The following ANKFY1 variants were observed in gnomAD, a reference collection of about 807,000 sequenced individuals.
ANKFY1 encodes the protein ankyrin repeat and FYVE domain containing 1.
Under a neutral mutation model 128.3 loss-of-function variants are expected in ANKFY1, and 47 were observed. That is an observed-to-expected ratio of 0.37 (90% confidence interval 0.29 to 0.47). The LOEUF (loss-of-function observed/expected upper bound fraction) is 0.47. Among genes scored for constraint, ANKFY1 ranks in the 20% least tolerant of loss-of-function variants. ANKFY1 has a pLI of 1.00. For missense variants in ANKFY1, 1,222 were observed against 1,510.6 expected, an observed-to-expected ratio of 0.81 and a Z score of 3.17; for synonymous variants, 553 against 601.6, an observed-to-expected ratio of 0.92 and a Z score of 1.18.
At chr17:4,230,456 G>C (rs766327330) in intron 3 of ANKFY1, among the ~76,000 whole-genome samples, 16 of 152,258 alleles carry the variant, frequency 1.1e-4, no homozygotes, top group Non-Finnish European at 1.9e-4. Context: ...TACTGGTAAA[G>C]TGCTACAGAG....
chr17:4,173,267 C>G, intron 21 of ANKFY1, 87 bp downstream of exon 21: 1 of 1,341,038 alleles, frequency 7.5e-7, no homozygotes, highest in East Asian at 2.3e-5. Flanking sequence ...GCAGCTCCTC[C>G]CTGGGGCTGA....
chr17:4,185,284 CA>C (rs2059591282), intron 11 of ANKFY1, among the ~76,000 whole-genome samples: 1 of 152,156 alleles, frequency 6.6e-6, no homozygotes, highest in African/African-American at 2.4e-5. Flanking sequence ...CGGCTCACTG[CA>C]ACCTTTGCCT....
intron 19 of ANKFY1, among the ~76,000 whole-genome samples, chr17:4,175,187 G>T (rs548223020): frequency 1.9e-4 from 29 of 151,582 alleles, no homozygotes; most frequent in Non-Finnish European, 3.2e-4. Flanking sequence ...TTAAAAATTA[G>T]CTGGGTGTAA....
chr17:4,173,141 C>G (rs2059352620), intron 21 of ANKFY1, among the ~76,000 whole-genome samples: 1 of 152,256 alleles, frequency 6.6e-6, no homozygotes, highest in African/African-American at 2.4e-5. Flanking sequence ...CAGGCGCGAG[C>G]CACTGCGCCC....
At position 4,263,950 on chromosome 17, in the gene ANKFY1, C is replaced by G. The variant is rs960438473; in HGVS notation, c.-9G>C. 6.2e-7 allele frequency: 1 copy of G among 1,613,996 alleles called. No individual in the cohort carries two copies. Among genetic ancestry groups the G allele is most frequent in the Admixed American group, 1.7e-5 (1 of 60,038 alleles). On this transcript the variant is annotated 5_prime_UTR_variant, in exon 1 of 25. Transcript: ENST00000341657. ...ACCCTACCTTCCGCCATGTCTGGCCCGGCACTGCCTGCAACCTCGCGAGAA... is the reference window on the plus strand; with the variant it reads ...ACCCTACCTTCCGCCATGTCTGGCCGGGCACTGCCTGCAACCTCGCGAGAA...
At chr17:4,234,392 C>G (rs1966858955) in intron 3 of ANKFY1, among the ~76,000 whole-genome samples, 1 of 152,270 alleles carries the variant, frequency 6.6e-6, no homozygotes, top group East Asian at 1.9e-4. Flanking sequence ...TTCAGGTCAA[C>G]TTTTGAAAAT....
At chr17:4,250,385 G>A (rs1274640143) in intron 1 of ANKFY1, among the ~76,000 whole-genome samples, 5 of 152,034 alleles carry the variant, frequency 3.3e-5, no homozygotes, top group African/African-American at 1.2e-4. Flanking sequence ...ACCAATGTAC[G>A]GGCTATGATA....
At chr17:4,227,019 C>T (rs746345293) in intron 3 of ANKFY1, among the ~76,000 whole-genome samples, 7 of 152,082 alleles carry the variant, frequency 4.6e-5, no homozygotes, top group Non-Finnish European at 1.0e-4. Context: ...AAACCTGACA[C>T]AGAAGAAACA....
intron 3 of ANKFY1, among the ~76,000 whole-genome samples, chr17:4,225,745 G>A (rs2060414034): frequency 6.6e-6 from 1 of 152,038 alleles, no homozygotes; most frequent in Non-Finnish European, 1.5e-5. Context: ...TATGGCTTCG[G>A]TGTGTGTGTA....
chr17:4,177,788 C>T (rs1332185868), intron 18 of ANKFY1: 1 of 153,310 alleles, frequency 6.5e-6, no homozygotes, highest in Non-Finnish European at 1.5e-5. Context: ...AAAGTTTCCT[C>T]TTACTGAGCT....
At chr17:4,212,523 A>G (rs1200252878) in intron 4 of ANKFY1, among the ~76,000 whole-genome samples, 1 of 152,240 alleles carries the variant, frequency 6.6e-6, no homozygotes, top group Non-Finnish European at 1.5e-5. Flanking sequence ...AGGTCCCTCT[A>G]CTAGCCGTTC....
intron 1 of ANKFY1, among the ~76,000 whole-genome samples, chr17:4,250,672 A>T (rs1598149892): frequency 6.6e-6 from 1 of 151,372 alleles, no homozygotes; most frequent in Non-Finnish European, 1.5e-5. Flanking sequence ...AATGATTCTA[A>T]TTTTTTTTTC....
intron 3 of ANKFY1, among the ~76,000 whole-genome samples, chr17:4,232,797 T>A (rs766487300): frequency 3.9e-5 from 6 of 152,218 alleles, no homozygotes; most frequent in Non-Finnish European, 8.8e-5. Context: ...TAAAGCAAAA[T>A]TTTTTAATTC....
chr17:4,228,892 G>A (rs1022629082), intron 3 of ANKFY1, among the ~76,000 whole-genome samples: 3 of 152,160 alleles, frequency 2.0e-5, no homozygotes, highest in South Asian at 2.1e-4. Flanking sequence ...TTAATGGCAC[G>A]AATTCTGCAG....
intron 1 of ANKFY1, among the ~76,000 whole-genome samples, chr17:4,261,737 A>G (rs1968428816): frequency 6.6e-6 from 1 of 152,234 alleles, no homozygotes; most frequent in Non-Finnish European, 1.5e-5. Flanking sequence ...ATGAAAAACC[A>G]GCAGCCCTCC....
At chr17:4,252,462 G>C (rs1598152544) in intron 1 of ANKFY1, among the ~76,000 whole-genome samples, 1 of 152,094 alleles carries the variant, frequency 6.6e-6, no homozygotes, top group South Asian at 2.1e-4. Flanking sequence ...CTAGCCACTT[G>C]AGAGGCTGAG....
intron 4 of ANKFY1, among the ~76,000 whole-genome samples, chr17:4,214,726 C>T (rs193208894): frequency 6.6e-6 from 1 of 152,048 alleles, no homozygotes; most frequent in African/African-American, 2.4e-5. Flanking sequence ...CTGGGTTTCA[C>T]CATGTTGGTG....
chr17:4,246,766 T>C (rs1462292998), intron 1 of ANKFY1, among the ~76,000 whole-genome samples: 1 of 152,228 alleles, frequency 6.6e-6, no homozygotes, highest in African/African-American at 2.4e-5. Context: ...TCTGCAAATA[T>C]TTATGCATTA....
chr17:4,213,628 ACGAT>A (rs1336622367), intron 4 of ANKFY1, among the ~76,000 whole-genome samples: 2 of 146,648 alleles, frequency 1.4e-5, no homozygotes, highest in Admixed American at 6.9e-5. Flanking sequence ...GTGCAGTGGT[ACGAT>A]CTCGGCTCAC....
Sources: allele counts gnomAD v4.1 joint callset (sites outside exome capture counted in the v4.1 genomes callset), GRCh38; gene constraint gnomAD v4.1.1; transcripts MANE v1.5; gene names NCBI Gene and HGNC (gene_info 2026-07-23, HGNC 2026-07-21).